RALGPS1: variants seen among roughly 807,000 people sequenced by gnomAD.
The protein encoded by RALGPS1 is ras-specific guanine nucleotide-releasing factor RalGPS1.
A neutral mutation model predicts 78.8 loss-of-function variants in RALGPS1; 19 were observed. The ratio of observed to expected loss-of-function variants is 0.24; its 90% CI spans 0.17 to 0.35. The LOEUF (loss-of-function observed/expected upper bound fraction) is 0.35, where lower values mean the gene tolerates loss of function less well. Ranked by LOEUF, RALGPS1 falls within the 10% of genes least tolerant of loss-of-function variation. The pLI, the probability that RALGPS1 is intolerant of heterozygous loss-of-function variation, is 1.00. For synonymous variants in RALGPS1, 228 were observed against 256.3 expected (o/e 0.89, Z 1.06); for missense variants, 454 against 688.3 (o/e 0.66, Z 3.81).
intron 4 of RALGPS1, among the ~76,000 whole-genome samples, chr9:126,989,459 G>A (rs2042091110): frequency 6.6e-6 from 1 of 152,202 alleles, no homozygotes; most frequent in Non-Finnish European, 1.5e-5. Flanking sequence ...CCCGGCTTGG[G>A]CCTCCCTGAA....
chr9:127,049,378 A>C (rs1211945647), intron 5 of RALGPS1, among the ~76,000 whole-genome samples: 1 of 152,192 alleles, frequency 6.6e-6, no homozygotes, highest in Non-Finnish European at 1.5e-5. Flanking sequence ...TGAGAGGTCA[A>C]GCATGAATGG....
intron 8 of RALGPS1, among the ~76,000 whole-genome samples, chr9:127,147,464 A>G (rs1207666576): frequency 1.3e-5 from 2 of 152,214 alleles, no homozygotes; most frequent in Admixed American, 1.3e-4. Flanking sequence ...GCTGACGTCA[A>G]GAAGAGTATT....
intron 4 of RALGPS1, among the ~76,000 whole-genome samples, chr9:127,018,484 A>G (rs577270790): frequency 8.6e-5 from 13 of 151,764 alleles, no homozygotes; most frequent in Non-Finnish European, 1.8e-4. Flanking sequence ...AAATGCAAAA[A>G]TTAGCTGAGC....
At chr9:127,043,391 G>T (rs980492974) in intron 5 of RALGPS1, among the ~76,000 whole-genome samples, 5 of 111,312 alleles carry the variant, frequency 4.5e-5, no homozygotes, top group African/African-American at 1.1e-4. Context: ...AAATATTTGT[G>T]TGTATATGCA....
intron 5 of RALGPS1, among the ~76,000 whole-genome samples, chr9:127,045,918 C>T (rs904772417): frequency 6.6e-6 from 1 of 152,080 alleles, no homozygotes; most frequent in Non-Finnish European, 1.5e-5. Flanking sequence ...ATAAAAGGAA[C>T]CAGCGTTCCT....
chr9:127,121,963 C>T (rs1028135306), intron 8 of RALGPS1, among the ~76,000 whole-genome samples: 3 of 152,234 alleles, frequency 2.0e-5, no homozygotes, highest in South Asian at 2.1e-4. Flanking sequence ...CTCTTCAGTA[C>T]GCTGCCCTCT....
chr9:127,145,478 G>C (rs913905188), intron 8 of RALGPS1, among the ~76,000 whole-genome samples: 5 of 152,212 alleles, frequency 3.3e-5, no homozygotes, highest in Non-Finnish European at 5.9e-5. Context: ...CAAAAAATGG[G>C]GCAGTTACTT....
In RALGPS1 at chr9:127,211,505, A is replaced by G. The variant is rs2062256121; in HGVS notation, c.1248-626A>G. On this transcript the variant is annotated intron_variant, in intron 14 of 18. Coordinates refer to ENST00000259351, the MANE Select transcript of RALGPS1 (RefSeq NM_014636.3). The surrounding 1 kb of genome is among the most constrained non-coding windows in gnomAD (Gnocchi z 5.0). Reference sequence around the variant, plus strand: ...TCCCCGCTTTCTGGCTGAAGCAGCCAGTAGGGGGTGGTGCCATTCCTGAGG... The same window carrying G: ...TCCCCGCTTTCTGGCTGAAGCAGCCGGTAGGGGGTGGTGCCATTCCTGAGG... 6.6e-6 allele frequency among the ~76,000 whole-genome samples: 1 copy of G among 152,148 alleles called. No homozygotes were observed. Among genetic ancestry groups the G allele is most frequent in the African/African-American group, 2.4e-5 (1 of 41,418 alleles).
At chr9:127,156,412 G>A (rs2058712057) in intron 8 of RALGPS1, among the ~76,000 whole-genome samples, 2 of 152,104 alleles carry the variant, frequency 1.3e-5, no homozygotes, top group African/African-American at 4.8e-5. Flanking sequence ...CTTGTATAGT[G>A]TGACTTTTTC....
intron 10 of RALGPS1, among the ~76,000 whole-genome samples, chr9:127,172,544 G>T (rs2059619772): frequency 6.6e-6 from 1 of 152,170 alleles, no homozygotes; most frequent in Admixed American, 6.5e-5. Context: ...AGGGATTCCA[G>T]GAATCCGTCC....
intron 8 of RALGPS1, among the ~76,000 whole-genome samples, chr9:127,152,121 C>G (rs117286861): frequency 6.6e-6 from 1 of 152,150 alleles, no homozygotes; most frequent in East Asian, 1.9e-4. Flanking sequence ...TGACAGTTCT[C>G]TCTTATCACA....
intron 11 of RALGPS1, among the ~76,000 whole-genome samples, chr9:127,192,072 A>G (rs1037494667): frequency 6.6e-6 from 1 of 152,232 alleles, no homozygotes; most frequent in Non-Finnish European, 1.5e-5. Context: ...GATGATTTCA[A>G]GCAAGGCGGT....
chr9:127,179,865 G>A (rs749215014), intron 11 of RALGPS1, among the ~76,000 whole-genome samples: 4 of 152,244 alleles, frequency 2.6e-5, no homozygotes, highest in Non-Finnish European at 4.4e-5. Context: ...CCCAGGTCTC[G>A]CCCTTTGAGG....
intron 3 of RALGPS1, among the ~76,000 whole-genome samples, chr9:126,977,429 AC>A (rs1274799250): frequency 2.6e-5 from 4 of 151,870 alleles, no homozygotes; most frequent in Non-Finnish European, 4.4e-5. Context: ...TCCCAGGCCC[AC>A]CCCCCAAACA....
At chr9:126,982,928 C>CTTTTTTTTTTTTTTTTTTTTT (rs71377984) in intron 4 of RALGPS1, among the ~76,000 whole-genome samples, 1 of 34,594 alleles carries the variant, frequency 2.9e-5, no homozygotes. Context: ...TCTTCTTCTT[C>CTTTTTTTTTTTTTTTTTTTTT]TTTTTTTTTT....
At chr9:127,024,678 A>G (rs1280149650) in intron 4 of RALGPS1, among the ~76,000 whole-genome samples, 3 of 152,132 alleles carry the variant, frequency 2.0e-5, no homozygotes, top group African/African-American at 4.8e-5. Flanking sequence ...TATGCCTCAC[A>G]AGACCTGTAG....
At chr9:126,960,209 C>CTTCCT (rs2038760572) in intron 1 of RALGPS1, among the ~76,000 whole-genome samples, 1 of 63,556 alleles carries the variant, frequency 1.6e-5, no homozygotes. Context: ...CCCTCCCTCC[C>CTTCCT]TCCCTCCCTC....
intron 8 of RALGPS1, chr9:127,088,961 G>A (rs774148995): frequency 2.0e-5 from 33 of 1,614,182 alleles, no homozygotes; most frequent in South Asian, 4.4e-5. Flanking sequence ...GTTGGGGTTC[G>A]GTCGGATCAT....
chr9:127,203,386 T>C (rs1431074428), intron 14 of RALGPS1, among the ~76,000 whole-genome samples: 1 of 152,194 alleles, frequency 6.6e-6, no homozygotes, highest in African/African-American at 2.4e-5. Flanking sequence ...AATTGAAGTA[T>C]GAAAGTGCCA....
Sources: allele counts gnomAD v4.1 joint callset (sites outside exome capture counted in the v4.1 genomes callset), GRCh38; gene constraint gnomAD v4.1.1; non-coding constraint Gnocchi (gnomAD v3.1); transcripts MANE v1.5; gene names NCBI Gene and HGNC (gene_info 2026-07-23, HGNC 2026-07-21).